Variants in SLC9A7 observed in about 807,000 individuals in gnomAD.
SLC9A7 encodes the protein sodium/hydrogen exchanger 7.
A neutral mutation model predicts 52.6 loss-of-function variants in SLC9A7; 19 were observed. The observed-to-expected ratio is 0.36, with a 90% CI of 0.25 to 0.53. The LOEUF is 0.53. Among genes scored for constraint, SLC9A7 ranks in the 20% least tolerant of loss-of-function variants. The pLI, the probability that SLC9A7 is intolerant of heterozygous loss-of-function variation, is 0.91. For synonymous variants in SLC9A7, 226 were observed against 252.1 expected, an observed-to-expected ratio of 0.90 and a Z score of 0.98; for missense variants, 455 against 597.9, an observed-to-expected ratio of 0.76 and a Z score of 2.49.
intron 1 of SLC9A7, among the ~76,000 whole-genome samples, chrX:46,686,767 T>C (rs147477704): frequency 2.7e-5 from 3 of 112,085 alleles, no homozygotes; most frequent in African/African-American, 6.5e-5. Context: ...GCACATAAAA[T>C]GTCAGCTGAT....
At position 46,693,741 on chromosome X, in the gene SLC9A7, A is replaced by G. The variant is rs188164293; in HGVS notation, c.326-11206T>C. 8.4e-3 allele frequency among the ~76,000 whole-genome samples: 936 copies of G among 110,930 alleles called. 11 individuals are homozygous for G. Among genetic ancestry groups the G allele is most frequent in the African/African-American group, 0.029 (898 of 30,594 alleles). ...ATATGATATGAAAAGCACAAACAATAAAATAAAAAATTGATAATTTAAATT... is the reference window on the plus strand; with the variant it reads ...ATATGATATGAAAAGCACAAACAATGAAATAAAAAATTGATAATTTAAATT... On this transcript the variant is annotated intron_variant, in intron 1 of 16. Coordinates refer to ENST00000616978, the MANE Select transcript of SLC9A7 (RefSeq NM_001257291.2).
chrX:46,610,003 G>A (rs1443815828), intron 16 of SLC9A7, among the ~76,000 whole-genome samples: 1 of 111,939 alleles, frequency 8.9e-6, no homozygotes, highest in African/African-American at 3.3e-5. Context: ...ACTGCAGCCT[G>A]GGCAAGAGAG....
chrX:46,741,777 T>C (rs146832769), intron 1 of SLC9A7, among the ~76,000 whole-genome samples: 1,693 of 109,987 alleles, frequency 0.015, 33 homozygotes, highest in African/African-American at 0.053. Flanking sequence ...TAAATAAAAG[T>C]TGATAAATTG....
At chrX:46,735,697 T>C (rs1472384864) in intron 1 of SLC9A7, among the ~76,000 whole-genome samples, 3 of 111,634 alleles carry the variant, frequency 2.7e-5, no homozygotes, top group African/African-American at 9.8e-5. Context: ...TTTTTGTTTG[T>C]CTCAAAAAGT....
intron 16 of SLC9A7, among the ~76,000 whole-genome samples, chrX:46,610,479 A>G (rs889547377): frequency 2.7e-5 from 3 of 112,317 alleles, no homozygotes; most frequent in Non-Finnish European, 5.6e-5. Context: ...ACCAGGCACT[A>G]AACTTTGCAG....
intron 1 of SLC9A7, among the ~76,000 whole-genome samples, chrX:46,697,433 T>C (rs956918847): frequency 1.1e-4 from 12 of 111,970 alleles, no homozygotes; most frequent in Non-Finnish European, 2.1e-4. Context: ...GGCAGAAGAA[T>C]GTGGATTGTG....
intron 1 of SLC9A7, among the ~76,000 whole-genome samples, chrX:46,732,322 C>T (rs751223503): frequency 2.3e-4 from 25 of 110,875 alleles, no homozygotes; most frequent in South Asian, 7.7e-4. Context: ...TAGGCTGAGG[C>T]GGGAGGATCA....
chrX:46,614,505 C>A (rs1301713218), intron 15 of SLC9A7, among the ~76,000 whole-genome samples: 1 of 111,810 alleles, frequency 8.9e-6, no homozygotes, highest in Non-Finnish European at 1.9e-5. Flanking sequence ...AAGTTGGGGA[C>A]TGTCTGTAGA....
At chrX:46,614,247 A>G (rs1193763320) in intron 15 of SLC9A7, among the ~76,000 whole-genome samples, 1 of 111,835 alleles carries the variant, frequency 8.9e-6, no homozygotes, top group African/African-American at 3.3e-5. Context: ...CCTACCAAAC[A>G]TCACAGCTTA....
chrX:46,686,169 AC>A (rs1944292651), intron 1 of SLC9A7, among the ~76,000 whole-genome samples: 1 of 111,842 alleles, frequency 8.9e-6, no homozygotes, highest in African/African-American at 3.3e-5. Context: ...TTTCTTCTCT[AC>A]CCTGGGCCCA....
At chrX:46,738,641 G>A (rs1463928582) in intron 1 of SLC9A7, among the ~76,000 whole-genome samples, 5 of 110,124 alleles carry the variant, frequency 4.5e-5, no homozygotes, top group African/African-American at 1.3e-4. Flanking sequence ...GTGGTGGCAC[G>A]TGCCTGTAGT....
chrX:46,640,435 A>G (rs753726724), intron 12 of SLC9A7, among the ~76,000 whole-genome samples: 1 of 112,718 alleles, frequency 8.9e-6, no homozygotes, highest in South Asian at 3.6e-4. Context: ...TGTACAGTGT[A>G]AAACTAAAAA....
intron 1 of SLC9A7, among the ~76,000 whole-genome samples, chrX:46,717,137 T>A (rs1196033880): frequency 8.9e-6 from 1 of 112,421 alleles, no homozygotes; most frequent in Non-Finnish European, 1.9e-5. Context: ...TTGTGTTACA[T>A]ATTCCTGGAA....
At chrX:46,672,261 T>C (rs1054889572) in intron 4 of SLC9A7, among the ~76,000 whole-genome samples, 4 of 111,742 alleles carry the variant, frequency 3.6e-5, no homozygotes, top group African/African-American at 1.3e-4. Context: ...ATCTTGTATA[T>C]TTCCTGCCCC....
At chrX:46,647,682 T>C (rs1332987959) in intron 11 of SLC9A7, among the ~76,000 whole-genome samples, 1 of 112,933 alleles carries the variant, frequency 8.9e-6, no homozygotes. Context: ...CTGTGGCTTA[T>C]GAAAAGAGGA....
intron 12 of SLC9A7, among the ~76,000 whole-genome samples, chrX:46,641,143 G>A (rs1247444516): frequency 8.9e-6 from 1 of 112,318 alleles, no homozygotes; most frequent in Non-Finnish European, 1.9e-5. Flanking sequence ...AATGTCCTTC[G>A]AGGGGTAAAT....
At chrX:46,623,990 A>G (rs1455548719) in intron 14 of SLC9A7, among the ~76,000 whole-genome samples, 2 of 111,934 alleles carry the variant, frequency 1.8e-5, no homozygotes, top group Non-Finnish European at 3.8e-5. Context: ...GATTGAGTTA[A>G]TTACCAATGG....
chrX:46,669,487 C>T, intron 5 of SLC9A7, 120 bp downstream of exon 5: 1 of 413,898 alleles, frequency 2.4e-6, no homozygotes, highest in Non-Finnish European at 4.1e-6. Flanking sequence ...CACCACCATG[C>T]CATGCAAATA....
chrX:46,651,697 C>T (rs190328739), intron 8 of SLC9A7, among the ~76,000 whole-genome samples: 65 of 109,187 alleles, frequency 6.0e-4, no homozygotes, highest in Non-Finnish European at 1.0e-3. Flanking sequence ...GATGTGGTGG[C>T]GTGGGCCTGT....
Sources: gnomAD v4.1 joint callset for allele counts (sites outside exome capture counted in the v4.1 genomes callset) on GRCh38, gnomAD v4.1.1 for gene constraint, MANE v1.5 for transcripts, NCBI Gene and HGNC (gene_info 2026-07-23, HGNC 2026-07-21) for gene names.